Variants in RBFOX1 observed in about 807,000 individuals in gnomAD.
The protein encoded by RBFOX1 is RNA binding fox-1 homolog 1, also known as RNA binding protein fox-1 homolog 1.
Under a neutral mutation model 57.7 loss-of-function variants are expected in RBFOX1, and 8 were observed. The observed-to-expected ratio is 0.14, with a 90% CI of 0.08 to 0.25. The LOEUF (loss-of-function observed/expected upper bound fraction) is 0.25. RBFOX1 is among the 10% of genes least tolerant of loss of function. The pLI is 1.00. For missense variants in RBFOX1, 611 were observed against 548.5 expected (o/e 1.11, Z -1.14); for synonymous variants, 326 against 222.4 (o/e 1.47, Z -4.15).
intron 3 of RBFOX1, among the ~76,000 whole-genome samples, chr16:6,698,284 A>G (rs909228720): frequency 2.0e-5 from 3 of 152,206 alleles, no homozygotes; most frequent in Non-Finnish European, 2.9e-5. Context: ...GGGGTAATCT[A>G]TTTGTACATC....
chr16:7,025,584 G>T (rs1377715507), intron 3 of RBFOX1, among the ~76,000 whole-genome samples: 22 of 152,122 alleles, frequency 1.4e-4, no homozygotes, highest in Admixed American at 1.4e-3. Context: ...GTGTGCATTT[G>T]CATGCTTCTC....
At chr16:7,499,166 G>C (rs1009532462) in intron 4 of RBFOX1, among the ~76,000 whole-genome samples, 12 of 152,206 alleles carry the variant, frequency 7.9e-5, no homozygotes, top group African/African-American at 2.9e-4. Context: ...GTGTGGATAG[G>C]ACTGGTTCCT....
chr16:5,403,368 CAAA>C (rs1188182295), intron 1 of RBFOX1, among the ~76,000 whole-genome samples: 2 of 116,254 alleles, frequency 1.7e-5, no homozygotes, highest in Non-Finnish European at 1.9e-5. Flanking sequence ...AAAAAAAAAA[CAAA>C]AAACAAACAA....
chr16:6,325,263 G>T (rs1440092265), intron 2 of RBFOX1, among the ~76,000 whole-genome samples: 2 of 152,162 alleles, frequency 1.3e-5, no homozygotes, highest in Non-Finnish European at 2.9e-5. Flanking sequence ...AGAAGCTGAG[G>T]CAGGAGGATC....
chr16:5,638,205 C>G (rs926567098), intron 3 of RBFOX1, among the ~76,000 whole-genome samples: 2 of 152,172 alleles, frequency 1.3e-5, no homozygotes, highest in Non-Finnish European at 2.9e-5. Context: ...CATTTTGTAG[C>G]TAAGAAGAGT....
chr16:6,992,614 T>G (rs1396176235), intron 3 of RBFOX1, among the ~76,000 whole-genome samples: 1 of 152,004 alleles, frequency 6.6e-6, no homozygotes, highest in Non-Finnish European at 1.5e-5. Context: ...ATAAAGGACT[T>G]AAAAACTAGG....
chr16:7,474,162 C>T (rs2062137519), intron 4 of RBFOX1, among the ~76,000 whole-genome samples: 1 of 152,156 alleles, frequency 6.6e-6, no homozygotes. Context: ...TGGCGCATGC[C>T]TGTAGTTCCA....
At chr16:6,806,484 T>G (rs2154262187) in intron 3 of RBFOX1, among the ~76,000 whole-genome samples, 1 of 152,218 alleles carries the variant, frequency 6.6e-6, no homozygotes, top group Non-Finnish European at 1.5e-5. Flanking sequence ...GTATCTTTGC[T>G]GGGCCTATTC....
At chr16:6,149,065 T>A (rs2096779392) in intron 1 of RBFOX1, among the ~76,000 whole-genome samples, 1 of 152,196 alleles carries the variant, frequency 6.6e-6, no homozygotes, top group Admixed American at 6.5e-5. Context: ...TTAAATCAAG[T>A]TTTACTTTGC....
intron 2 of RBFOX1, among the ~76,000 whole-genome samples, chr16:6,614,000 A>T (rs1310735211): frequency 6.6e-6 from 1 of 152,218 alleles, no homozygotes; most frequent in African/African-American, 2.4e-5. Flanking sequence ...AGCTTTATAC[A>T]GCAATTACTA....
chr16:6,779,296 G>C (rs2079932114), intron 3 of RBFOX1, among the ~76,000 whole-genome samples: 1 of 151,984 alleles, frequency 6.6e-6, no homozygotes, highest in African/African-American at 2.4e-5. Flanking sequence ...GCTTATTTTA[G>C]TTGGCATCAT....
chr16:6,984,668 G>A (rs1284333902), intron 3 of RBFOX1, among the ~76,000 whole-genome samples: 1 of 151,948 alleles, frequency 6.6e-6, no homozygotes, highest in Non-Finnish European at 1.5e-5. Flanking sequence ...ATTTTGAGAT[G>A]GAGTCTCTGT....
At chr16:5,733,356 G>C (rs1422888507) in intron 3 of RBFOX1, among the ~76,000 whole-genome samples, 1 of 152,156 alleles carries the variant, frequency 6.6e-6, no homozygotes, top group Admixed American at 6.5e-5. Flanking sequence ...TGGGGGTCCA[G>C]GAAGGCCACT....
chr16:5,941,929 C>G (rs982012610), intron 4 of RBFOX1, among the ~76,000 whole-genome samples: 9 of 151,582 alleles, frequency 5.9e-5, no homozygotes, highest in Admixed American at 4.0e-4. Flanking sequence ...ACTTTCTCCT[C>G]TATACTAGAT....
At chr16:6,913,690 C>T (rs1186671258) in intron 3 of RBFOX1, among the ~76,000 whole-genome samples, 5 of 152,172 alleles carry the variant, frequency 3.3e-5, no homozygotes, top group African/African-American at 9.7e-5. Flanking sequence ...TGGCTCCTTG[C>T]CTAGCTGGGC....
intron 4 of RBFOX1, chr16:7,328,692 C>G (rs1025541153): frequency 6.7e-6 from 1 of 148,300 alleles, no homozygotes. Flanking sequence ...TAAGAAAAAG[C>G]AAAATCCTTG....
In RBFOX1 at chr16:5,969,543, C is replaced by T. The variant is rs887391669; in HGVS notation, c.351+102208C>T. On this transcript the variant is annotated intron_variant, in intron 4 of 19. Coordinates refer to the RBFOX1 transcript ENST00000641259. Reference sequence around the variant, plus strand: ...TTCACTGTGTTGGCCAGGCTGGTCTCGAACTGCTGATCTCATGATCCGCCT... The same window carrying T: ...TTCACTGTGTTGGCCAGGCTGGTCTTGAACTGCTGATCTCATGATCCGCCT... Among the ~76,000 whole-genome samples, 7 of 146,332 alleles carry T rather than the reference C, an allele frequency of 4.8e-5. No individual in the cohort carries two copies. The East Asian group carries it at 1.4e-3, about 30-fold the overall frequency.
At chr16:5,856,419 A>G (rs2057059195) in intron 3 of RBFOX1, among the ~76,000 whole-genome samples, 1 of 139,374 alleles carries the variant, frequency 7.2e-6, no homozygotes, top group South Asian at 2.3e-4. Flanking sequence ...TATCAAGTAT[A>G]TAGCACAGTA....
chr16:6,717,491 T>C (rs1375191385), intron 3 of RBFOX1, among the ~76,000 whole-genome samples: 2 of 152,110 alleles, frequency 1.3e-5, no homozygotes, highest in Non-Finnish European at 2.9e-5. Flanking sequence ...AACTCCAAAC[T>C]TGGAGGTTTA....
Sources: gnomAD v4.1 joint callset for allele counts (sites outside exome capture counted in the v4.1 genomes callset) on GRCh38, gnomAD v4.1.1 for gene constraint, MANE v1.5 for transcripts, NCBI Gene and HGNC (gene_info 2026-07-23, HGNC 2026-07-21) for gene names.